The following DEPTOR variants were observed in gnomAD, a reference collection of about 807,000 sequenced individuals.
DEPTOR encodes DEP domain-containing mTOR-interacting protein.
A neutral mutation model predicts 41.6 loss-of-function variants in DEPTOR; 41 were observed. The observed-to-expected ratio is 0.98, with a 90% CI of 0.77 to 1.28. DEPTOR has a LOEUF of 1.28. Ranked by LOEUF, DEPTOR falls within the 50% of genes most tolerant of loss-of-function variation. The pLI is 0.00. For missense variants in DEPTOR, 514 were observed against 527.9 expected (o/e 0.97, Z 0.26); for synonymous variants, 195 against 192.3 (o/e 1.01, Z -0.12).
chr8:120,035,617 C>T (rs964732068), intron 8 of DEPTOR, among the ~76,000 whole-genome samples: 5 of 152,094 alleles, frequency 3.3e-5, no homozygotes, highest in Non-Finnish European at 5.9e-5. Flanking sequence ...CTGCAACCTC[C>T]GCCTCCCGGG....
intron 4 of DEPTOR, among the ~76,000 whole-genome samples, chr8:119,998,603 G>C (rs1384848004): frequency 1.3e-5 from 2 of 152,094 alleles, no homozygotes; most frequent in Non-Finnish European, 2.9e-5. Flanking sequence ...CATGGCTTTT[G>C]GGGCCTGATG....
chr8:119,890,599 G>A (rs904824705), intron 1 of DEPTOR, among the ~76,000 whole-genome samples: 3 of 152,062 alleles, frequency 2.0e-5, no homozygotes, highest in Admixed American at 2.0e-4. Context: ...CACCGTGCCT[G>A]GCCTATATGT....
intron 1 of DEPTOR, among the ~76,000 whole-genome samples, chr8:119,892,415 T>C (rs1441007326): frequency 6.6e-6 from 1 of 152,266 alleles, no homozygotes; most frequent in Admixed American, 6.5e-5. Context: ...GCATTGATTT[T>C]GTACTGCATC....
intron 1 of DEPTOR, among the ~76,000 whole-genome samples, chr8:119,896,440 G>C (rs1371281514): frequency 6.6e-6 from 1 of 152,118 alleles, no homozygotes; most frequent in African/African-American, 2.4e-5. Flanking sequence ...AGATGCCCCA[G>C]CTATTGTGGA....
chr8:119,902,916 T>C (rs1827613096), intron 1 of DEPTOR, among the ~76,000 whole-genome samples: 1 of 142,330 alleles, frequency 7.0e-6, no homozygotes, highest in Non-Finnish European at 1.5e-5. Context: ...AATCATCAAA[T>C]TTCAGGGTTT....
chr8:120,014,719 C>T (rs1812583877), intron 8 of DEPTOR, among the ~76,000 whole-genome samples: 1 of 151,946 alleles, frequency 6.6e-6, no homozygotes, highest in Admixed American at 6.6e-5. Flanking sequence ...GACAGGGTTT[C>T]ACCATGTTGG....
chr8:119,880,494 T>C (rs1004721184), intron 1 of DEPTOR, among the ~76,000 whole-genome samples: 3 of 152,168 alleles, frequency 2.0e-5, no homozygotes, highest in Non-Finnish European at 2.9e-5. Flanking sequence ...TGTTCCCAAC[T>C]AGTGACTTAG....
chr8:119,977,174 T>G (rs1828707267), intron 4 of DEPTOR, among the ~76,000 whole-genome samples: 1 of 152,138 alleles, frequency 6.6e-6, no homozygotes, highest in Non-Finnish European at 1.5e-5. Flanking sequence ...CTAATTTTTT[T>G]GTACTTTTGG....
At chr8:119,912,295 A>G (rs1827755462) in intron 1 of DEPTOR, among the ~76,000 whole-genome samples, 2 of 152,224 alleles carry the variant, frequency 1.3e-5, no homozygotes, top group Non-Finnish European at 2.9e-5. Flanking sequence ...TTTGACTGGC[A>G]TACACACACA....
intron 3 of DEPTOR, among the ~76,000 whole-genome samples, chr8:119,959,389 C>G (rs1188818134): frequency 2.6e-5 from 4 of 151,970 alleles, no homozygotes; most frequent in Non-Finnish European, 5.9e-5. Flanking sequence ...TCTCGATTTC[C>G]TGACCTTGTG....
intron 1 of DEPTOR, among the ~76,000 whole-genome samples, chr8:119,914,877 C>T (rs1048509627): frequency 4.6e-5 from 7 of 152,242 alleles, no homozygotes; most frequent in African/African-American, 1.7e-4. Context: ...AGAATTACTG[C>T]TCTCACCTTC....
intron 8 of DEPTOR, among the ~76,000 whole-genome samples, chr8:120,015,845 C>T (rs759472864): frequency 3.3e-5 from 5 of 152,032 alleles, no homozygotes; most frequent in Admixed American, 6.6e-5. Context: ...TCACGTAGCC[C>T]GAAAAAGCTT....
At chr8:119,942,732 G>T (rs1228856487) in intron 3 of DEPTOR, among the ~76,000 whole-genome samples, 1 of 152,154 alleles carries the variant, frequency 6.6e-6, no homozygotes, top group Admixed American at 6.5e-5. Flanking sequence ...GTTGAAGAAG[G>T]ACATGTCAGA....
intron 8 of DEPTOR, among the ~76,000 whole-genome samples, chr8:120,023,804 T>TG (rs1334515416): frequency 4.8e-5 from 7 of 146,196 alleles, no homozygotes; most frequent in Non-Finnish European, 9.3e-5. Context: ...TATTTTGTTT[T>TG]TTTTTTTTTA....
chr8:119,928,106 G>C (rs961401466), intron 1 of DEPTOR, among the ~76,000 whole-genome samples: 1 of 152,140 alleles, frequency 6.6e-6, no homozygotes. Context: ...AAAGCAGGGA[G>C]TGAGGCAGAG....
chr8:119,981,966 A>T (rs1828774205), intron 4 of DEPTOR, among the ~76,000 whole-genome samples: 1 of 144,622 alleles, frequency 6.9e-6, no homozygotes, highest in African/African-American at 2.6e-5. Flanking sequence ...GTGAGCCAAG[A>T]TCATGCCACT....
chr8:119,905,123 T>A (rs1461171473), intron 1 of DEPTOR, among the ~76,000 whole-genome samples: 1 of 152,084 alleles, frequency 6.6e-6, no homozygotes, highest in Non-Finnish European at 1.5e-5. Context: ...ATGCACCTTT[T>A]ACCTAAACTG....
chr8:119,890,347 G>A (rs1346345682), intron 1 of DEPTOR, among the ~76,000 whole-genome samples: 1 of 151,992 alleles, frequency 6.6e-6, no homozygotes, highest in Non-Finnish European at 1.5e-5. Context: ...CTGTCACCCA[G>A]GCTGGAGTGC....
At chr8:120,004,179 A>C (rs1325873599) in intron 6 of DEPTOR, among the ~76,000 whole-genome samples, 1 of 152,252 alleles carries the variant, frequency 6.6e-6, no homozygotes, top group Non-Finnish European at 1.5e-5. Flanking sequence ...GATGCAGTTC[A>C]AAAGGCTTTG....
Sources: gnomAD v4.1 joint callset for allele counts (sites outside exome capture counted in the v4.1 genomes callset) on GRCh38, gnomAD v4.1.1 for gene constraint, MANE v1.5 for transcripts, NCBI Gene and HGNC (gene_info 2026-07-23, HGNC 2026-07-21) for gene names.